ZSWIM5: variants seen among roughly 807,000 people sequenced by gnomAD.
ZSWIM5 encodes the protein zinc finger SWIM domain-containing protein 5.
Under a neutral mutation model 119.6 loss-of-function variants are expected in ZSWIM5, and 55 were observed. The ratio of observed to expected loss-of-function variants is 0.46; its 90% CI spans 0.37 to 0.58. The LOEUF is 0.58. Among genes scored for constraint, ZSWIM5 ranks in the 20% least tolerant of loss-of-function variants. ZSWIM5 has a pLI of 0.00. For synonymous variants in ZSWIM5, 537 were observed against 606.9 expected, an observed-to-expected ratio of 0.88 and a Z score of 1.69; for missense variants, 1,193 against 1,512.8, an observed-to-expected ratio of 0.79 and a Z score of 3.51.
intron 1 of ZSWIM5, among the ~76,000 whole-genome samples, chr1:45,203,547 A>C (rs1199422881): frequency 1.3e-5 from 2 of 152,078 alleles, no homozygotes; most frequent in African/African-American, 4.8e-5. Context: ...AGCATCACTT[A>C]GTAATTAATT....
At position 45,206,151 on chromosome 1, in the gene ZSWIM5, T is replaced by C; in HGVS notation, c.200A>G (p.Asp67Gly). The change falls in exon 1 of 14, where the codon GAC (aspartate) becomes GGC (glycine). Residue 67 changes from aspartate to glycine, a missense_variant. Asp to Gly is a moderately conservative substitution (Grantham distance 94). This residue lies in a region of ZSWIM5 where 232 missense variants were observed against 222.9 expected (regional missense o/e 1.04). Transcript: ENST00000359600. ...RPHLQPDSLL[D>G]CAAKTVAEKW... ...TTCCGCCACCGTCTTGGCGGCGCAG[T>C]CCAGTAAGGAATCCGGCTGCAGGTG... 6.2e-7 allele frequency: 1 copy of C among 1,609,916 alleles called. No homozygotes were observed. Among genetic ancestry groups the C allele is most frequent in the Non-Finnish European group, 8.5e-7 (1 of 1,178,874 alleles).
chr1:45,081,789 G>A (rs1416959721), intron 2 of ZSWIM5, among the ~76,000 whole-genome samples: 1 of 152,150 alleles, frequency 6.6e-6, no homozygotes, highest in Non-Finnish European at 1.5e-5. Flanking sequence ...GGAAAGTGAG[G>A]AGCCCCTCTG....
At chr1:45,121,154 T>C (rs988359015) in intron 1 of ZSWIM5, among the ~76,000 whole-genome samples, 2 of 152,194 alleles carry the variant, frequency 1.3e-5, no homozygotes, top group South Asian at 2.1e-4. Flanking sequence ...GGTTTCACCA[T>C]GTTAGCCAGG....
Position 45,072,782 on chromosome 1 carries a change from G to A in ZSWIM5, c.953-12535C>T, listed in dbSNP as rs1645231969. Among the ~76,000 whole-genome samples the A allele has an allele frequency of 6.6e-6, 1 of 151,908 alleles. No homozygotes were observed. Among genetic ancestry groups the A allele is most frequent in the Non-Finnish European group, 1.5e-5 (1 of 68,020 alleles). ...TTTCTATTCTGTTCCATTGGTCTGT[G>A]TGTCTATTTTATGACAGTACCATGC... On this transcript the variant is annotated intron_variant, in intron 2 of 13. Transcript: ENST00000359600. The surrounding 1 kb of genome is among the most constrained non-coding windows in gnomAD (Gnocchi z 4.1).
At chr1:45,174,538 G>C (rs1363113471) in intron 1 of ZSWIM5, among the ~76,000 whole-genome samples, 1 of 148,772 alleles carries the variant, frequency 6.7e-6, no homozygotes, top group Non-Finnish European at 1.5e-5. Context: ...TTTGAGACCT[G>C]CCTGGCCAAC....
chr1:45,120,814 C>T (rs1027368009), intron 1 of ZSWIM5, among the ~76,000 whole-genome samples: 5 of 152,110 alleles, frequency 3.3e-5, no homozygotes, highest in African/African-American at 9.7e-5. Context: ...CTCGAACTTC[C>T]AACCTCCCCC....
chr1:45,131,385 G>A (rs757613730), intron 1 of ZSWIM5, among the ~76,000 whole-genome samples: 2 of 152,078 alleles, frequency 1.3e-5, no homozygotes, highest in Admixed American at 6.6e-5. Flanking sequence ...TGCCCCTGGT[G>A]AGCCAATGAA....
intron 1 of ZSWIM5, among the ~76,000 whole-genome samples, chr1:45,155,013 T>A (rs1187355290): frequency 2.0e-5 from 3 of 151,604 alleles, no homozygotes; most frequent in African/African-American, 7.3e-5. Flanking sequence ...CAAAAGCAAA[T>A]GCAACAAAAA....
chr1:45,157,032 C>T (rs1441131286), intron 1 of ZSWIM5, among the ~76,000 whole-genome samples: 2 of 152,082 alleles, frequency 1.3e-5, no homozygotes, highest in Non-Finnish European at 2.9e-5. Flanking sequence ...AGAAAGTTCC[C>T]TCATGCCCTT....
chr1:45,070,118 C>T, intron 2 of ZSWIM5: 1 of 1,031,600 alleles, frequency 9.7e-7, no homozygotes. Context: ...TCGATCAGTC[C>T]AGGATTATGA....
chr1:45,128,997 T>C (rs1272243759), intron 1 of ZSWIM5, among the ~76,000 whole-genome samples: 2 of 152,124 alleles, frequency 1.3e-5, no homozygotes, highest in Non-Finnish European at 2.9e-5. Context: ...AAATATCTCA[T>C]TGTCTGGAAA....
intron 5 of ZSWIM5, among the ~76,000 whole-genome samples, chr1:45,044,740 A>T (rs1444758779): frequency 8.6e-5 from 1 of 11,568 alleles, no homozygotes; most frequent in Non-Finnish European, 2.0e-4. Flanking sequence ...AAAAAAAAAA[A>T]AAAAAAATAT....
Position 45,206,162 on chromosome 1 carries a change from A to C in ZSWIM5, c.189T>G (p.Asp63Glu), listed in dbSNP as rs2149059934. The change falls in exon 1 of 14, where the codon GAT becomes GAG. Residue 63 changes from aspartate (D) to glutamate (E), a missense_variant. Physicochemically the swap from Asp to Glu is conservative, Grantham distance 45 (BLOSUM62 2). This residue lies in a region of ZSWIM5 where 232 missense variants were observed against 222.9 expected (regional missense o/e 1.04). Transcript: ENST00000359600. The stretch of plus-strand genomic sequence containing the variant: ...TCTTGGCGGCGCAGTCCAGTAAGGA[A>C]TCCGGCTGCAGGTGGGGGCGGGCCC... Reference protein sequence around the residue: ...VLGARPHLQPDSLLDCAAKTV... With the variant: ...VLGARPHLQPESLLDCAAKTV... 1 of 1,608,428 alleles carries C rather than the reference A, an allele frequency of 6.2e-7. No individual in the cohort carries two copies. The highest frequency in any genetic ancestry group is 8.5e-7 in the Non-Finnish European group (1 of 1,178,272).
At chr1:45,043,140 G>T in intron 6 of ZSWIM5, 79 bp downstream of exon 6, 1 of 1,389,030 alleles carries the variant, frequency 7.2e-7, no homozygotes, top group South Asian at 1.2e-5. Flanking sequence ...TGAGTTGCAG[G>T]TACGTATGAA....
At chr1:45,105,290 G>T in intron 1 of ZSWIM5, among the ~76,000 whole-genome samples, 1 of 152,132 alleles carries the variant, frequency 6.6e-6, no homozygotes, top group East Asian at 1.9e-4. Context: ...GCATGATCTC[G>T]GCTCGCTACA....
rs1646187847 is a variant in ZSWIM5, at chr1:45,206,038, T to G, written c.313A>C (p.Asn105His). The part of the protein sequence containing the change: ...RRIVYWSFPR[N>H]EREICMYSSF... ...GAGTACATGCAGATCTCCCGCTCATTCCGCGGGAAGGACCAGTAGACGATG... is the reference window on the plus strand; with the variant it reads ...GAGTACATGCAGATCTCCCGCTCATGCCGCGGGAAGGACCAGTAGACGATG... The change falls in exon 1 of 14, where the codon AAT becomes CAT. Residue 105 changes from asparagine to histidine, a missense_variant. Physicochemically the swap from Asn to His is moderately conservative, Grantham distance 68. This residue lies in a region of ZSWIM5 where 232 missense variants were observed against 222.9 expected (regional missense o/e 1.04). Coordinates refer to ENST00000359600, the MANE Select transcript of ZSWIM5 (RefSeq NM_020883.2). The G allele has an allele frequency of 2.5e-6, 4 of 1,606,604 alleles. No homozygotes were observed. Among genetic ancestry groups the G allele is most frequent in the Non-Finnish European group, 2.5e-6 (3 of 1,177,198 alleles).
At chr1:45,090,648 A>ATAAAATAAAATAAAAC (rs1364531765) in intron 1 of ZSWIM5, among the ~76,000 whole-genome samples, 1 of 151,910 alleles carries the variant, frequency 6.6e-6, no homozygotes, top group Non-Finnish European at 1.5e-5. Flanking sequence ...TAAAATAAAA[A>ATAAAATAAAATAAAAC]TAAAATAAAA....
intron 6 of ZSWIM5, 63 bp from the exon 7 acceptor site, chr1:45,040,601 T>C: frequency 6.8e-7 from 1 of 1,460,834 alleles, no homozygotes; most frequent in Non-Finnish European, 9.2e-7. Flanking sequence ...AATTTATACC[T>C]GACAAAGAGA....
rs189621453 is a variant in ZSWIM5 at position 45,157,279 on chromosome 1, A to G, written c.595+48477T>C. On this transcript the variant is annotated intron_variant, in intron 1 of 13. Transcript: ENST00000359600. Reference sequence around the variant, plus strand: ...AGCCTCGACCTCCTGGGCTCAGGTGATCCTCCTGCCTCAGCCTCCCAAGTA... The same window carrying G: ...AGCCTCGACCTCCTGGGCTCAGGTGGTCCTCCTGCCTCAGCCTCCCAAGTA... Among the ~76,000 whole-genome samples the G allele has an allele frequency of 6.8e-3, 1,037 of 152,132 alleles. 23 individuals are homozygous for G. The highest frequency in any genetic ancestry group is 0.024 in the African/African-American group (1,005 of 41,508).
Sources: allele counts gnomAD v4.1 joint callset (sites outside exome capture counted in the v4.1 genomes callset), GRCh38; gene constraint gnomAD v4.1.1; regional missense constraint gnomAD v4.1.1; non-coding constraint Gnocchi (gnomAD v3.1); transcripts MANE v1.5; gene names NCBI Gene and HGNC (gene_info 2026-07-23, HGNC 2026-07-21).